The following FBN1 variants were observed in gnomAD, a reference collection of about 807,000 sequenced individuals.
FBN1 encodes the protein fibrillin-1.
FBN1 carries 29 observed loss-of-function variants against 365.1 expected under a neutral mutation model. The observed-to-expected ratio is 0.08, with a 90% confidence interval of 0.06 to 0.11. The LOEUF is 0.11. Ranked by LOEUF, FBN1 falls within the 10% of genes least tolerant of loss-of-function variation. The pLI is 1.00. For synonymous variants in FBN1, 1,210 were observed against 1,270.5 expected (o/e 0.95, Z 1.01); for missense variants, 2,476 against 3,703.2 (o/e 0.67, Z 8.60).
chr15:48,514,427 G>A (rs1458218710), intron 12 of FBN1, among the ~76,000 whole-genome samples: 1 of 152,158 alleles, frequency 6.6e-6, no homozygotes, highest in African/African-American at 2.4e-5. Flanking sequence ...AAATTAAATA[G>A]TTTGGGAAAG....
At chr15:48,644,276 T>C (rs550129708) in intron 2 of FBN1, 9 of 336,056 alleles carry the variant, frequency 2.7e-5, no homozygotes, top group African/African-American at 8.3e-5. Context: ...AGAATTGATA[T>C]TGCAGGGAAA....
chr15:48,606,626 C>T (rs1021684506), intron 4 of FBN1, among the ~76,000 whole-genome samples: 2 of 152,110 alleles, frequency 1.3e-5, no homozygotes, highest in Non-Finnish European at 2.9e-5. Context: ...GTAACATCAG[C>T]GCTCTTTGTG....
chr15:48,510,465 A>G (rs1014580134), intron 13 of FBN1, among the ~76,000 whole-genome samples: 1 of 152,308 alleles, frequency 6.6e-6, no homozygotes, highest in South Asian at 2.1e-4. Context: ...TTCCAAGCAC[A>G]TCTATTTAAC....
At chr15:48,476,066 C>G (rs1186177520) in intron 32 of FBN1, among the ~76,000 whole-genome samples, 1 of 152,174 alleles carries the variant, frequency 6.6e-6, no homozygotes. Context: ...GAGCTTTAAC[C>G]AGCTAAATAA....
chr15:48,619,202 C>T (rs531157839), intron 2 of FBN1, among the ~76,000 whole-genome samples: 2 of 152,248 alleles, frequency 1.3e-5, no homozygotes, highest in South Asian at 4.1e-4. Context: ...TGAGTTGACA[C>T]TGCTTGGGAC....
At chr15:48,485,255 T>TA (rs1439210093) in intron 30 of FBN1, 119 bp downstream of exon 30, 1 of 1,325,182 alleles carries the variant, frequency 7.5e-7, no homozygotes, top group African/African-American at 1.4e-5. Context: ...AGGATACAGT[T>TA]AAAATATATG....
In FBN1 at chr15:48,427,987, A is replaced by G. The variant is rs575804067; in HGVS notation, c.6998-214T>C. Reference sequence around the variant, plus strand: ...ACATTCAGTAAGTAGGCAGAAAGACATTGGCCTAGACAAGCTTATAACTCT... The same window carrying G: ...ACATTCAGTAAGTAGGCAGAAAGACGTTGGCCTAGACAAGCTTATAACTCT... On this transcript the variant is annotated intron_variant, in intron 57 of 65. Coordinates refer to ENST00000316623, the MANE Select transcript of FBN1 (RefSeq NM_000138.5). The G allele has an allele frequency of 5.8e-5, 40 of 695,436 alleles. No individual in the cohort carries two copies. The Middle Eastern group carries it at 7.0e-4, about 12-fold the overall frequency. The allele number at this position is 695,436 out of a possible 1,614,324, so 43.1% of individuals were successfully genotyped here. A position where few individuals can be genotyped will look rare whatever the true frequency, so the allele number is the denominator to read the frequency against.
chr15:48,628,880 G>A (rs1365043069), intron 2 of FBN1, among the ~76,000 whole-genome samples: 1 of 152,016 alleles, frequency 6.6e-6, no homozygotes, highest in Non-Finnish European at 1.5e-5. Context: ...CCTAATGGAA[G>A]GACACATACC....
intron 6 of FBN1, among the ~76,000 whole-genome samples, chr15:48,543,550 G>A (rs988856842): frequency 2.0e-5 from 3 of 152,210 alleles, no homozygotes; most frequent in Non-Finnish European, 2.9e-5. Flanking sequence ...CAAACTTCTA[G>A]CTGAAAGGGA....
Position 48,556,668 on chromosome 15 carries a change from G to C in FBN1, c.539-18860C>G, listed in dbSNP as rs560173270. Among the ~76,000 whole-genome samples the C allele has an allele frequency of 2.6e-5, 4 of 152,296 alleles. No homozygotes were observed. The East Asian group carries it at 5.8e-4, about 22-fold the overall frequency. ...ACTCCTCATAGTGAACATAGTGCCA[G>C]AGTTGAATTCAGGCTGTGGACACAG... On this transcript the variant is annotated intron_variant, in intron 6 of 65. Transcript: ENST00000316623.
rs1462845316 is a variant in FBN1 at position 48,495,138 on chromosome 15, T to A, written c.2662A>T (p.Thr888Ser). 1.2e-6 allele frequency: 2 copies of A among 1,614,052 alleles called. No individual in the cohort carries two copies. The highest frequency in any genetic ancestry group is 1.7e-6 in the Non-Finnish European group (2 of 1,179,988). ...TTTCTCTTACCAACTTGGCATAGGG[T>A]GCACGGGCTTCCCCACGCAGCACCG... ...SLGAAWGSPC[T>S]LCQVDPICGK... The change falls in exon 22 of 66, where the codon ACC becomes TCC. Residue 888 changes from threonine to serine, a missense_variant. By Grantham distance (58) the Thr-to-Ser change is moderately conservative. Coordinates refer to ENST00000316623, the MANE Select transcript of FBN1 (RefSeq NM_000138.5).
chr15:48,422,415 T>C (rs2042951169), intron 60 of FBN1, among the ~76,000 whole-genome samples: 3 of 152,250 alleles, frequency 2.0e-5, no homozygotes, highest in Admixed American at 6.5e-5. Context: ...TGAATGATTC[T>C]GCAAATTTTC....
intron 6 of FBN1, among the ~76,000 whole-genome samples, chr15:48,545,031 G>A (rs190871173): frequency 5.9e-5 from 9 of 152,282 alleles, no homozygotes; most frequent in Non-Finnish European, 8.8e-5. Context: ...GAAATGCCAC[G>A]TTAAACCAAA....
At chr15:48,598,972 A>G (rs1327575232) in intron 5 of FBN1, among the ~76,000 whole-genome samples, 4 of 152,174 alleles carry the variant, frequency 2.6e-5, no homozygotes, top group Non-Finnish European at 5.9e-5. Context: ...TTCCTGCACA[A>G]GCTCTTTCTG....
chr15:48,415,450 T>C (rs2042894815), intron 64 of FBN1, 86 bp downstream of exon 64: 1 of 1,041,520 alleles, frequency 9.6e-7, no homozygotes, highest in South Asian at 1.3e-5. Context: ...TCTCCTCTGC[T>C]AGGACAGGTA....
chr15:48,643,930 T>C (rs905807803), intron 2 of FBN1: 6 of 152,160 alleles, frequency 3.9e-5, no homozygotes, highest in Non-Finnish European at 8.8e-5. Context: ...AAATGGTCAG[T>C]TGCATGTACA....
chr15:48,606,499 C>T (rs1231201278), intron 4 of FBN1, among the ~76,000 whole-genome samples: 1 of 152,174 alleles, frequency 6.6e-6, no homozygotes, highest in Non-Finnish European at 1.5e-5. Context: ...GTTACATATT[C>T]TGTGATTCCA....
intron 32 of FBN1, among the ~76,000 whole-genome samples, chr15:48,480,426 T>C (rs867383369): frequency 6.6e-6 from 1 of 152,128 alleles, no homozygotes; most frequent in Non-Finnish European, 1.5e-5. Flanking sequence ...AGAGGCCGTA[T>C]AGGAGTTGAG....
At chr15:48,465,719 C>A (rs776481908) in intron 39 of FBN1, 26 bp from the exon 40 acceptor site, 17 of 1,613,760 alleles carry the variant, frequency 1.1e-5, no homozygotes, top group Non-Finnish European at 1.4e-5. Flanking sequence ...CAAAGGCATT[C>A]CTTTAGCATT....
Sources: allele counts gnomAD v4.1 joint callset (sites outside exome capture counted in the v4.1 genomes callset), GRCh38; gene constraint gnomAD v4.1.1; transcripts MANE v1.5; gene names NCBI Gene and HGNC (gene_info 2026-07-23, HGNC 2026-07-21).